Variants in CHSY3 observed in about 807,000 individuals in gnomAD.
CHSY3 encodes N-acetylgalactosaminyl-proteoglycan 3-beta-glucuronosyltransferase 3.
Under a neutral mutation model 67.2 loss-of-function variants are expected in CHSY3, and 35 were observed. The observed-to-expected ratio is 0.52, with a 90% confidence interval of 0.40 to 0.69. CHSY3 has a LOEUF of 0.69. CHSY3 is among the 30% of genes least tolerant of loss of function. The pLI is 0.00. For synonymous variants in CHSY3, 474 were observed against 434.7 expected (o/e 1.09, Z -1.12); for missense variants, 1,069 against 1,138.5 (o/e 0.94, Z 0.88).
At chr5:129,922,292 A>G (rs1760950382) in intron 2 of CHSY3, among the ~76,000 whole-genome samples, 1 of 152,230 alleles carries the variant, frequency 6.6e-6, no homozygotes, top group Admixed American at 6.5e-5. Context: ...TCCGTAATAA[A>G]CATGGGTGTG....
chr5:130,140,678 T>A, intron 2 of CHSY3: 1 of 333,980 alleles, frequency 3.0e-6, no homozygotes, highest in South Asian at 5.5e-5. Context: ...TGACGTTAGG[T>A]CTACAGCCAT....
chr5:130,088,411 A>C (rs1465303895), intron 2 of CHSY3, among the ~76,000 whole-genome samples: 1 of 151,022 alleles, frequency 6.6e-6, no homozygotes, highest in African/African-American at 2.5e-5. Context: ...TGCACAGCAA[A>C]AGAAATTACC....
intron 2 of CHSY3, among the ~76,000 whole-genome samples, chr5:130,153,354 T>A (rs1433482016): frequency 6.6e-6 from 1 of 152,146 alleles, no homozygotes; most frequent in Non-Finnish European, 1.5e-5. Context: ...CATAAATTTG[T>A]TGCCTTTGTA....
At position 130,184,920 on chromosome 5, in the gene CHSY3, C is replaced by T; in HGVS notation, c.1778C>T (p.Ser593Leu). Residue 593 changes from serine to leucine, a missense_variant, in exon 3 of 3, where the codon TCA becomes TTA. By Grantham distance (145) the Ser-to-Leu change is moderately radical (BLOSUM62 -2). Transcript: ENST00000305031. Reference sequence around the variant, plus strand: ...GAGAGTATTAACAGTGAAACTCAGTCATTCTCCTTTATATCTAATTCTTTA... The same window carrying T: ...GAGAGTATTAACAGTGAAACTCAGTTATTCTCCTTTATATCTAATTCTTTA... ...LVESINSETQ[S>L]FSFISNSLKI... 1.3e-6 allele frequency: 2 copies of T among 1,545,796 alleles called. No individual in the cohort carries two copies. Among genetic ancestry groups the T allele is most frequent in the Non-Finnish European group, 1.8e-6 (2 of 1,117,944 alleles).
At chr5:129,955,014 G>T (rs556094934) in intron 2 of CHSY3, among the ~76,000 whole-genome samples, 2 of 152,072 alleles carry the variant, frequency 1.3e-5, no homozygotes, top group East Asian at 3.9e-4. Context: ...GTCTATAGGC[G>T]CATGCCACAA....
At chr5:130,113,144 A>G (rs1467329576) in intron 2 of CHSY3, among the ~76,000 whole-genome samples, 2 of 152,076 alleles carry the variant, frequency 1.3e-5, no homozygotes, top group African/African-American at 4.8e-5. Flanking sequence ...TATATAATGT[A>G]TCTGAGACAA....
At chr5:130,065,987 A>G (rs1230935764) in intron 2 of CHSY3, among the ~76,000 whole-genome samples, 2 of 152,056 alleles carry the variant, frequency 1.3e-5, no homozygotes, top group Admixed American at 6.6e-5. Context: ...TTATTCCCAA[A>G]CACATTTTGG....
At chr5:129,919,589 T>C (rs188928013) in intron 2 of CHSY3, among the ~76,000 whole-genome samples, 2 of 152,310 alleles carry the variant, frequency 1.3e-5, no homozygotes, top group East Asian at 3.9e-4. Context: ...GGTTTCCCCA[T>C]GTAAAACCAT....
intron 2 of CHSY3, among the ~76,000 whole-genome samples, chr5:129,917,939 GT>G (rs1384284577): frequency 6.6e-6 from 1 of 152,120 alleles, no homozygotes; most frequent in Non-Finnish European, 1.5e-5. Flanking sequence ...GTGTAAATTT[GT>G]TTTTATCAAT....
intron 2 of CHSY3, among the ~76,000 whole-genome samples, chr5:130,078,922 A>T (rs1766361208): frequency 1.3e-5 from 2 of 152,132 alleles, no homozygotes; most frequent in South Asian, 4.1e-4. Flanking sequence ...TCTCTCTTTA[A>T]TCACCCATCC....
At chr5:129,915,755 A>G (rs1193302248) in intron 2 of CHSY3, among the ~76,000 whole-genome samples, 1 of 152,228 alleles carries the variant, frequency 6.6e-6, no homozygotes. Flanking sequence ...ATAGTAAAAT[A>G]CAATTAAAAT....
At chr5:130,135,720 A>G (rs1296102848) in intron 2 of CHSY3, among the ~76,000 whole-genome samples, 1 of 152,138 alleles carries the variant, frequency 6.6e-6, no homozygotes, top group Non-Finnish European at 1.5e-5. Context: ...CTCATGACTC[A>G]TATCTCTGGA....
intron 2 of CHSY3, among the ~76,000 whole-genome samples, chr5:130,000,876 G>A (rs1253030786): frequency 1.4e-5 from 2 of 143,186 alleles, no homozygotes; most frequent in African/African-American, 5.2e-5. Context: ...GCACCAGCCA[G>A]CCTGTCTTCT....
At position 130,027,021 on chromosome 5, in the gene CHSY3, C is replaced by G. The variant is rs565482457; in HGVS notation, c.1086+118661C>G. Among the ~76,000 whole-genome samples, 38 of 152,196 alleles carry G rather than the reference C, an allele frequency of 2.5e-4. No individual in the cohort carries two copies. In the South Asian group the frequency reaches 4.8e-3, roughly 19 times the overall value. ...AGCCATCATCACTAGGGTGTCGCAA[C>G]CTCACGTGACTTGCCCTTGCAGCCT... On this transcript the variant is annotated intron_variant, in intron 2 of 2. Transcript: ENST00000305031.
At chr5:130,146,933 A>AC (rs1769091706) in intron 2 of CHSY3, among the ~76,000 whole-genome samples, 1 of 152,104 alleles carries the variant, frequency 6.6e-6, no homozygotes, top group Admixed American at 6.6e-5. Flanking sequence ...AGCTGGGATT[A>AC]CAGGTGCCTG....
At chr5:130,144,488 T>C (rs1185558143) in intron 2 of CHSY3, among the ~76,000 whole-genome samples, 1 of 151,916 alleles carries the variant, frequency 6.6e-6, no homozygotes, top group East Asian at 1.9e-4. Flanking sequence ...CTATAAACCA[T>C]TAATGAAAGA....
chr5:129,927,576 A>G (rs1290102164), intron 2 of CHSY3, among the ~76,000 whole-genome samples: 2 of 152,040 alleles, frequency 1.3e-5, no homozygotes, highest in Non-Finnish European at 2.9e-5. Context: ...TTGGCAGACA[A>G]CTGTAATAAT....
chr5:129,930,513 G>GT (rs201396499), intron 2 of CHSY3, among the ~76,000 whole-genome samples: 4 of 147,490 alleles, frequency 2.7e-5, no homozygotes, highest in East Asian at 2.1e-4. Context: ...ACTGGCGGGG[G>GT]GGGGGTATGA....
intron 2 of CHSY3, among the ~76,000 whole-genome samples, chr5:130,066,513 T>C (rs1580700436): frequency 6.6e-6 from 1 of 152,214 alleles, no homozygotes; most frequent in East Asian, 1.9e-4. Flanking sequence ...AAAATGAAAC[T>C]GGGGTGTATA....
Sources: allele counts gnomAD v4.1 joint callset (sites outside exome capture counted in the v4.1 genomes callset), GRCh38; gene constraint gnomAD v4.1.1; transcripts MANE v1.5; gene names NCBI Gene and HGNC (gene_info 2026-07-23, HGNC 2026-07-21).